ZNF385C: variants seen among roughly 807,000 people sequenced by gnomAD.
The protein encoded by ZNF385C is CTD-2132N18.2.
A neutral mutation model predicts 35.4 loss-of-function variants in ZNF385C; 28 were observed. The observed-to-expected ratio is 0.79, with a 90% CI of 0.59 to 1.08. The LOEUF (loss-of-function observed/expected upper bound fraction) is 1.08. Ranked by LOEUF, ZNF385C falls within the 50% of genes least tolerant of loss-of-function variation. The pLI, the probability that ZNF385C is intolerant of heterozygous loss-of-function variation, is 0.00. For missense variants in ZNF385C, 605 were observed against 595.6 expected, an observed-to-expected ratio of 1.02 and a Z score of -0.16; for synonymous variants, 248 against 248.2, an observed-to-expected ratio of 1.00 and a Z score of 0.01.
chr17:42,079,187 CAAAAAAAAA>C (rs141880528), intron 1 of ZNF385C, among the ~76,000 whole-genome samples: 1 of 114,008 alleles, frequency 8.8e-6, no homozygotes, highest in Non-Finnish European at 1.8e-5. Flanking sequence ...CCCTGTCTCG[CAAAAAAAAA>C]AAAAAAAATA....
chr17:42,066,643 A>C (rs2053550690), intron 1 of ZNF385C, among the ~76,000 whole-genome samples: 1 of 152,170 alleles, frequency 6.6e-6, no homozygotes, highest in African/African-American at 2.4e-5. Context: ...CAATATGTTG[A>C]CATCCTAATC....
chr17:42,072,774 G>A (rs1239405279), intron 1 of ZNF385C, among the ~76,000 whole-genome samples: 2 of 152,146 alleles, frequency 1.3e-5, no homozygotes, highest in Non-Finnish European at 1.5e-5. Flanking sequence ...CAGCGGTGGG[G>A]CTCCCCGGGT....
intron 1 of ZNF385C, among the ~76,000 whole-genome samples, chr17:42,075,993 G>C (rs577742548): frequency 6.6e-6 from 1 of 152,244 alleles, no homozygotes; most frequent in African/African-American, 2.4e-5. Flanking sequence ...GGTGAGTTCA[G>C]CCTCCCTATC....
At position 42,026,069 on chromosome 17, in the gene ZNF385C, G is replaced by A. The variant is rs2052571843; in HGVS notation, c.*828C>T. The A allele has an allele frequency of 1.3e-5, 2 of 152,106 alleles. No individual in the cohort carries two copies. Among genetic ancestry groups the A allele is most frequent in the Admixed American group, 1.3e-4 (2 of 15,250 alleles). The allele number at this position is 152,106 out of a possible 1,614,324, so 9.4% of individuals were successfully genotyped here. The stretch of plus-strand genomic sequence containing the variant: ...AAGAAGAAGAGCTTCTGAGGGATGA[G>A]TTACTCCCTCAATATTAAGACTGGG... On this transcript the variant is annotated 3_prime_UTR_variant, in exon 9 of 9. Transcript: ENST00000692273.
intron 1 of ZNF385C, among the ~76,000 whole-genome samples, chr17:42,081,413 G>T (rs1341266257): frequency 6.6e-6 from 1 of 152,120 alleles, no homozygotes; most frequent in African/African-American, 2.4e-5. Flanking sequence ...TTGAGACAGA[G>T]TCTGACTCTG....
At chr17:42,049,253 G>A (rs1435222357) in intron 2 of ZNF385C, among the ~76,000 whole-genome samples, 3 of 152,142 alleles carry the variant, frequency 2.0e-5, no homozygotes, top group Non-Finnish European at 4.4e-5. Flanking sequence ...TCCATTCCCA[G>A]GAAGTCCCTT....
At chr17:42,040,515 A>G in intron 2 of ZNF385C, 13 of 1,232,840 alleles carry the variant, frequency 1.1e-5, no homozygotes, top group Admixed American at 4.2e-5. Flanking sequence ...AGGGCAGGGC[A>G]TCCAGCAGCA....
intron 1 of ZNF385C, among the ~76,000 whole-genome samples, chr17:42,064,073 TACACACACACACACACACAC>T (rs55771386): frequency 1.3e-4 from 17 of 129,834 alleles, no homozygotes; most frequent in East Asian, 4.8e-4. Context: ...CACACGCACA[TACACACACACACACACACAC>T]ACACACACAC....
intron 2 of ZNF385C, among the ~76,000 whole-genome samples, chr17:42,049,516 G>A (rs1555656916): frequency 6.6e-6 from 1 of 152,210 alleles, no homozygotes. Context: ...AGGCAGAGAG[G>A]GCAGTGGAGC....
intron 2 of ZNF385C, among the ~76,000 whole-genome samples, chr17:42,046,422 G>C (rs1473597835): frequency 1.3e-5 from 2 of 151,968 alleles, no homozygotes; most frequent in African/African-American, 4.8e-5. Flanking sequence ...AGGAGACCTT[G>C]TCTTTACAAA....
rs2052890863 is a variant in ZNF385C at position 42,037,671 on chromosome 17, G to GAACC, written c.399+62_399+65dup. 16 of 1,452,110 alleles carry GAACC rather than the reference G, an allele frequency of 1.1e-5. No homozygotes were observed. The South Asian group carries it at 2.3e-4, about 21-fold the overall frequency. The allele number at this position is 1,452,110 out of a possible 1,614,324, so 90.0% of individuals were successfully genotyped here. A position where few individuals can be genotyped will look rare whatever the true frequency, so the allele number is the denominator to read the frequency against. On this transcript the variant is annotated intron_variant, in intron 3 of 8. Coordinates refer to ENST00000692273, the MANE Select transcript of ZNF385C (RefSeq NM_001392013.1). ...CCAGCTGCTGAGAGCTGGACCCTCT[G>GAACC]AACCCACCTTCTGTGCCCACCCACA... is the stretch of plus-strand genomic sequence containing the variant.
intron 2 of ZNF385C, among the ~76,000 whole-genome samples, chr17:42,051,335 A>G (rs1015141177): frequency 6.6e-5 from 10 of 151,860 alleles, no homozygotes; most frequent in African/African-American, 2.2e-4. Context: ...CTTTTTCTAA[A>G]ACTCTGATAC....
intron 5 of ZNF385C, 153 bp from the exon 6 acceptor site, chr17:42,029,226 G>C: frequency 1.1e-6 from 1 of 916,240 alleles, no homozygotes; most frequent in Non-Finnish European, 1.6e-6. Context: ...GGCAGACTTG[G>C]GCCTCAGTTT....
intron 2 of ZNF385C, chr17:42,043,519 T>A (rs1306728219): frequency 2.8e-5 from 16 of 575,388 alleles, no homozygotes; most frequent in Non-Finnish European, 3.9e-5. Context: ...ACAGGGCCCA[T>A]CCATCTAAGC....
intron 2 of ZNF385C, among the ~76,000 whole-genome samples, chr17:42,053,814 C>T (rs1471155887): frequency 6.6e-6 from 1 of 152,148 alleles, no homozygotes; most frequent in East Asian, 1.9e-4. Flanking sequence ...TCCCCACTTC[C>T]CAGCCCGGGC....
intron 2 of ZNF385C, among the ~76,000 whole-genome samples, chr17:42,057,800 G>T (rs868936721): frequency 6.6e-6 from 1 of 151,952 alleles, no homozygotes; most frequent in Admixed American, 6.6e-5. Flanking sequence ...AATATTAGCC[G>T]GGCATGGTGG....
At position 42,027,048 on chromosome 17, in the gene ZNF385C, A is replaced by G; in HGVS notation, c.1361T>C (p.Ile454Thr). Residue 454 changes from isoleucine to threonine, a missense_variant, in exon 9 of 9, where the codon ATC becomes ACC. By Grantham distance (89) the Ile-to-Thr change is moderately conservative. Coordinates refer to ENST00000692273, the MANE Select transcript of ZNF385C (RefSeq NM_001392013.1). The part of the protein sequence containing the change: ...PSPLPTAATA[I>T]CALPGPLALR... ...GGCCAGGGGCCCTGGCAGAGCACAG[A>G]TGGCAGTGGCTGCGGTGGGGAGCGG... 5.0e-6 allele frequency: 8 copies of G among 1,609,396 alleles called. No homozygotes were observed. Among genetic ancestry groups the G allele is most frequent in the Non-Finnish European group, 6.8e-6 (8 of 1,177,852 alleles).
At chr17:42,030,490 A>C (rs532520170) in intron 5 of ZNF385C, among the ~76,000 whole-genome samples, 87 of 152,282 alleles carry the variant, frequency 5.7e-4, no homozygotes, top group African/African-American at 2.0e-3. Flanking sequence ...TCTGTCTCAA[A>C]AAACAAACAA....
intron 1 of ZNF385C, among the ~76,000 whole-genome samples, chr17:42,091,935 G>A (rs531502363): frequency 1.3e-5 from 2 of 152,308 alleles, no homozygotes; most frequent in Admixed American, 1.3e-4. Flanking sequence ...GGAAGAGCCA[G>A]GGGTGACTGC....
Sources: allele counts gnomAD v4.1 joint callset (sites outside exome capture counted in the v4.1 genomes callset), GRCh38; gene constraint gnomAD v4.1.1; transcripts MANE v1.5; gene names NCBI Gene and HGNC (gene_info 2026-07-23, HGNC 2026-07-21).